Variants in PBX3 observed in about 807,000 individuals in gnomAD.
PBX3 encodes PBX homeobox 3.
Under a neutral mutation model 48.5 loss-of-function variants are expected in PBX3, and 14 were observed. The observed-to-expected ratio is 0.29, with a 90% CI of 0.19 to 0.45. The LOEUF (loss-of-function observed/expected upper bound fraction) is 0.45, where lower values mean the gene tolerates loss of function less well. Among genes scored for constraint, PBX3 ranks in the 20% least tolerant of loss-of-function variants. PBX3 has a pLI of 1.00. For synonymous variants in PBX3, 210 were observed against 200.3 expected, an observed-to-expected ratio of 1.05 and a Z score of -0.41; for missense variants, 386 against 546.7, an observed-to-expected ratio of 0.71 and a Z score of 2.93.
intron 5 of PBX3, among the ~76,000 whole-genome samples, chr9:125,939,390 A>G (rs1841910885): frequency 6.6e-6 from 1 of 152,226 alleles, no homozygotes; most frequent in African/African-American, 2.4e-5. Context: ...GGAAAATATG[A>G]TTAAAAATTG....
chr9:125,954,123 C>G (rs1199821540), intron 5 of PBX3, among the ~76,000 whole-genome samples: 1 of 152,158 alleles, frequency 6.6e-6, no homozygotes, highest in Non-Finnish European at 1.5e-5. Flanking sequence ...AGTATGAGAC[C>G]CTCTTGGGTG....
intron 2 of PBX3, among the ~76,000 whole-genome samples, chr9:125,835,584 C>T (rs1839109109): frequency 6.6e-6 from 1 of 152,108 alleles, no homozygotes; most frequent in Admixed American, 6.5e-5. Context: ...CAAAAGAAGA[C>T]ATATGAATGG....
chr9:125,815,145 C>A (rs967475791), intron 2 of PBX3, among the ~76,000 whole-genome samples: 1 of 152,070 alleles, frequency 6.6e-6, no homozygotes, highest in South Asian at 2.1e-4. Context: ...GATTTTCTGT[C>A]CTTCAGGGTA....
rs1391636997 is a variant in PBX3 at position 125,784,127 on chromosome 9, G to GTTTTA, written c.274+35519_274+35523dup. Among the ~76,000 whole-genome samples, 4 of 151,972 alleles carry GTTTTA rather than the reference G, an allele frequency of 2.6e-5. No individual in the cohort carries two copies. The South Asian group carries it at 6.2e-4, about 24-fold the overall frequency. On this transcript the variant is annotated intron_variant, in intron 2 of 8. Coordinates refer to ENST00000373489, the MANE Select transcript of PBX3 (RefSeq NM_006195.6). ...TTTTTGTTTCTTGATGGGTTTCATG[G>GTTTTA]TTTTATTTTATTTTATTTTTTGAGA...
chr9:125,866,263 T>C (rs1323395224), intron 2 of PBX3, among the ~76,000 whole-genome samples: 3 of 152,254 alleles, frequency 2.0e-5, no homozygotes, highest in South Asian at 4.1e-4. Flanking sequence ...GGCTGCATAA[T>C]ATTCCATGTT....
At chr9:125,879,700 C>T (rs1281765697) in intron 2 of PBX3, among the ~76,000 whole-genome samples, 1 of 152,162 alleles carries the variant, frequency 6.6e-6, no homozygotes, top group African/African-American at 2.4e-5. Flanking sequence ...TATTGATGTA[C>T]CAGTTTCACC....
intron 5 of PBX3, among the ~76,000 whole-genome samples, chr9:125,937,995 A>G (rs1010580144): frequency 7.2e-5 from 11 of 152,224 alleles, no homozygotes; most frequent in African/African-American, 2.7e-4. Flanking sequence ...ATTGTTTAAA[A>G]TGTAAATCAT....
chr9:125,904,928 A>C (rs1841035507), intron 2 of PBX3, among the ~76,000 whole-genome samples: 1 of 151,880 alleles, frequency 6.6e-6, no homozygotes, highest in South Asian at 2.1e-4. Flanking sequence ...CATCCTCTAA[A>C]TTCCTTTTTG....
At chr9:125,779,872 G>T (rs1257054931) in intron 2 of PBX3, among the ~76,000 whole-genome samples, 285 of 128,838 alleles carry the variant, frequency 2.2e-3, no homozygotes, top group African/African-American at 8.2e-3. Context: ...GGACGGGGCG[G>T]CTGGCCGGGC....
At chr9:125,869,180 G>C (rs1459557547) in intron 2 of PBX3, among the ~76,000 whole-genome samples, 1 of 152,092 alleles carries the variant, frequency 6.6e-6, no homozygotes, top group Non-Finnish European at 1.5e-5. Flanking sequence ...CTTAGAAATG[G>C]CTTAAGATGA....
chr9:125,891,358 A>G (rs968500903), intron 2 of PBX3, among the ~76,000 whole-genome samples: 1 of 152,238 alleles, frequency 6.6e-6, no homozygotes, highest in Admixed American at 6.5e-5. Context: ...TGAATGCCAA[A>G]TCATTAGAAG....
At chr9:125,776,082 TTTC>T (rs781496500) in intron 2 of PBX3, among the ~76,000 whole-genome samples, 33 of 152,226 alleles carry the variant, frequency 2.2e-4, no homozygotes, top group Non-Finnish European at 4.0e-4. Context: ...ATGCCTTTTA[TTTC>T]TTCTTCTTTC....
intron 2 of PBX3, among the ~76,000 whole-genome samples, chr9:125,876,139 GT>G (rs1188468371): frequency 1.3e-5 from 2 of 152,212 alleles, no homozygotes; most frequent in East Asian, 3.9e-4. Context: ...CTAATATGCT[GT>G]GTGCTTCCTT....
intron 2 of PBX3, among the ~76,000 whole-genome samples, chr9:125,760,575 T>TTTTTA (rs1836639802): frequency 2.6e-5 from 4 of 152,226 alleles, no homozygotes; most frequent in Non-Finnish European, 4.4e-5. Context: ...AATTATTTTT[T>TTTTTA]CAAAATTGTA....
chr9:125,951,328 C>T lies in PBX3; in HGVS notation c.844-9356C>T, dbSNP rs140009639. On this transcript the variant is annotated intron_variant, in intron 5 of 8. Coordinates refer to ENST00000373489, the MANE Select transcript of PBX3 (RefSeq NM_006195.6). ...GCCCAGCAGGAGTGTGGCAGACAGG[C>T]GCTCTTGGTCTTCTGTGGTAGGAAT... Among the ~76,000 whole-genome samples, 224 of 152,220 alleles carry T rather than the reference C, an allele frequency of 1.5e-3. 1 individual carries two copies. Among genetic ancestry groups the T allele is most frequent in the African/African-American group, 4.3e-3 (177 of 41,530 alleles).
intron 4 of PBX3, among the ~76,000 whole-genome samples, chr9:125,933,576 G>A (rs530190208): frequency 6.6e-6 from 1 of 152,220 alleles, no homozygotes; most frequent in Admixed American, 6.5e-5. Context: ...CCTTGCTCCT[G>A]GGCACCAGGA....
chr9:125,753,187 T>G (rs1836421008), intron 2 of PBX3, among the ~76,000 whole-genome samples: 1 of 152,162 alleles, frequency 6.6e-6, no homozygotes, highest in Admixed American at 6.6e-5. Context: ...TTGGAAATAT[T>G]AAGTGATTAA....
chr9:125,871,692 TA>T (rs1157662122), intron 2 of PBX3, among the ~76,000 whole-genome samples: 3 of 152,246 alleles, frequency 2.0e-5, no homozygotes, highest in East Asian at 1.9e-4. Context: ...GATTATAGGT[TA>T]CAATGATAAT....
At chr9:125,808,062 A>G (rs986252356) in intron 2 of PBX3, among the ~76,000 whole-genome samples, 1 of 152,214 alleles carries the variant, frequency 6.6e-6, no homozygotes, top group African/African-American at 2.4e-5. Flanking sequence ...TAAAGTCCAG[A>G]TAGGGATAAA....
Sources: allele counts gnomAD v4.1 joint callset (sites outside exome capture counted in the v4.1 genomes callset), GRCh38; gene constraint gnomAD v4.1.1; transcripts MANE v1.5; gene names NCBI Gene and HGNC (gene_info 2026-07-23, HGNC 2026-07-21).